The following PRKACB variants were observed in gnomAD, a reference collection of about 807,000 sequenced individuals.
PRKACB encodes cAMP-dependent protein kinase catalytic subunit beta.
In PRKACB, 16 loss-of-function variants were observed where a neutral mutation model predicts 51.4. The ratio of observed to expected loss-of-function variants is 0.31; its 90% CI spans 0.21 to 0.47. The LOEUF is 0.47. PRKACB is among the 20% of genes least tolerant of loss of function. The pLI, the probability that PRKACB is intolerant of heterozygous loss-of-function variation, is 1.00. For missense variants in PRKACB, 309 were observed against 464.5 expected, an observed-to-expected ratio of 0.67 and a Z score of 3.08; for synonymous variants, 147 against 154.4, an observed-to-expected ratio of 0.95 and a Z score of 0.35.
intron 7 of PRKACB, among the ~76,000 whole-genome samples, chr1:84,200,246 A>T (rs1284302732): frequency 1.3e-5 from 2 of 152,064 alleles, no homozygotes; most frequent in Admixed American, 6.6e-5. Flanking sequence ...GGTGATATTG[A>T]GCATTTTTTC....
chr1:84,190,176 A>G (rs1001021235), intron 5 of PRKACB, among the ~76,000 whole-genome samples: 4 of 151,946 alleles, frequency 2.6e-5, no homozygotes, highest in African/African-American at 7.2e-5. Flanking sequence ...TAAACTTTTT[A>G]TAGAACTTAA....
At chr1:84,175,700 A>G in intron 1 of PRKACB, 1 of 1,105,678 alleles carries the variant, frequency 9.0e-7, no homozygotes, top group Middle Eastern at 2.1e-4. Context: ...TTGTGTTTTT[A>G]TGAACTTGTG....
chr1:84,165,161 AAT>A, intron 1 of PRKACB: 1 of 595,680 alleles, frequency 1.7e-6, no homozygotes, highest in Non-Finnish European at 2.7e-6. Flanking sequence ...CATTATAGTA[AAT>A]TGCCTTCAAA....
intron 1 of PRKACB, among the ~76,000 whole-genome samples, chr1:84,098,236 G>C (rs559321729): frequency 6.6e-6 from 1 of 151,964 alleles, no homozygotes; most frequent in Admixed American, 6.6e-5. Context: ...AATGTTATAC[G>C]TACGCATAGT....
At chr1:84,150,550 C>T (rs1361075142) in intron 1 of PRKACB, among the ~76,000 whole-genome samples, 2 of 152,016 alleles carry the variant, frequency 1.3e-5, no homozygotes, top group African/African-American at 4.8e-5. Flanking sequence ...GGTGTCCTCC[C>T]AATGGGTAAT....
chr1:84,087,635 A>G (rs1648119194), intron 1 of PRKACB, among the ~76,000 whole-genome samples: 1 of 152,130 alleles, frequency 6.6e-6, no homozygotes, highest in African/African-American at 2.4e-5. Flanking sequence ...GGGCTCAGGC[A>G]GTCCTGCGTA....
intron 3 of PRKACB, among the ~76,000 whole-genome samples, chr1:84,182,782 CATT>C (rs1419946727): frequency 6.6e-6 from 1 of 151,466 alleles, no homozygotes; most frequent in Non-Finnish European, 1.5e-5. Context: ...AGCACCTGGG[CATT>C]TTGGTTTCTG....
intron 9 of PRKACB, among the ~76,000 whole-genome samples, chr1:84,214,831 G>A (rs1672662194): frequency 6.6e-6 from 1 of 152,072 alleles, no homozygotes; most frequent in Non-Finnish European, 1.5e-5. Context: ...ATGCTATTTT[G>A]ACCATCAACC....
At chr1:84,163,566 G>A (rs1020986916) in intron 1 of PRKACB, among the ~76,000 whole-genome samples, 4 of 151,936 alleles carry the variant, frequency 2.6e-5, no homozygotes, top group African/African-American at 9.7e-5. Flanking sequence ...CCTGGTAGAA[G>A]TACTCTCCTG....
chr1:84,142,373 G>A (rs890378748), upstream of PRKACB, among the ~76,000 whole-genome samples: 1 of 152,084 alleles, frequency 6.6e-6, no homozygotes, highest in Non-Finnish European at 1.5e-5. Flanking sequence ...GCAAATCAAG[G>A]GAATTCAGTA....
chr1:84,096,182 G>C (rs756624947), intron 1 of PRKACB, among the ~76,000 whole-genome samples: 1 of 151,968 alleles, frequency 6.6e-6, no homozygotes, highest in Non-Finnish European at 1.5e-5. Flanking sequence ...TATCGATGGA[G>C]CCTTTCAGTG....
chr1:84,235,047 A>G (rs1294983550), intron 9 of PRKACB, 133 bp from the exon 10 acceptor site: 1 of 920,606 alleles, frequency 1.1e-6, no homozygotes, highest in South Asian at 1.8e-5. Flanking sequence ...TAGCACTATT[A>G]TATTTTAGGA....
intron 9 of PRKACB, among the ~76,000 whole-genome samples, chr1:84,223,613 C>A (rs985865204): frequency 8.5e-5 from 13 of 152,102 alleles, no homozygotes; most frequent in African/African-American, 2.9e-4. Context: ...TCATGATCCA[C>A]CCACCTTGGC....
At chr1:84,199,563 G>A (rs184253103) in intron 7 of PRKACB, among the ~76,000 whole-genome samples, 1 of 152,232 alleles carries the variant, frequency 6.6e-6, no homozygotes, top group Admixed American at 6.5e-5. Flanking sequence ...TGGTGGACAT[G>A]TAGGTTGATT....
chr1:84,124,831 CGTTAGTAGAT>C (rs1651423527), intron 1 of PRKACB, among the ~76,000 whole-genome samples: 1 of 152,028 alleles, frequency 6.6e-6, no homozygotes, highest in African/African-American at 2.4e-5. Context: ...TTGGCTAGGG[CGTTAGTAGAT>C]CAATGAAATT....
At chr1:84,164,837 G>A (rs1656867963) in intron 1 of PRKACB, 1 of 1,384,804 alleles carries the variant, frequency 7.2e-7, no homozygotes, top group African/African-American at 1.5e-5. Context: ...TTTGCTTCTA[G>A]GGGCTTCTCT....
intron 1 of PRKACB, among the ~76,000 whole-genome samples, chr1:84,126,359 G>A (rs183950248): frequency 5.4e-4 from 82 of 152,248 alleles, no homozygotes; most frequent in African/African-American, 1.8e-3. Context: ...GCTGGAAAGC[G>A]GATGGAGTGG....
At chr1:84,224,735 C>T (rs1336350670) in intron 9 of PRKACB, among the ~76,000 whole-genome samples, 1 of 152,142 alleles carries the variant, frequency 6.6e-6, no homozygotes, top group African/African-American at 2.4e-5. Flanking sequence ...TGAGTGCAGG[C>T]AGTCAGTGGT....
At chr1:84,180,865 A>G (rs1402403886) in intron 2 of PRKACB, among the ~76,000 whole-genome samples, 1 of 152,052 alleles carries the variant, frequency 6.6e-6, no homozygotes. Flanking sequence ...AAAAAGCATA[A>G]AGAGCAGAAA....
Sources: gnomAD v4.1 joint callset for allele counts (sites outside exome capture counted in the v4.1 genomes callset) on GRCh38, gnomAD v4.1.1 for gene constraint, MANE v1.5 for transcripts, NCBI Gene and HGNC (gene_info 2026-07-23, HGNC 2026-07-21) for gene names.